Variants in NOL4 observed in about 807,000 individuals in gnomAD.
NOL4 encodes the protein cancer/testis antigen 125.
NOL4 carries 17 observed loss-of-function variants against 75.9 expected under a neutral mutation model. The observed-to-expected ratio is 0.22, with a 90% CI of 0.15 to 0.34. The LOEUF (loss-of-function observed/expected upper bound fraction) is 0.34. Among genes scored for constraint, NOL4 ranks in the 10% least tolerant of loss-of-function variants. The probability of loss-of-function intolerance (pLI) is 1.00; values close to 1 mark genes in which losing one functional copy is unlikely to be tolerated. For synonymous variants in NOL4, 292 were observed against 289.9 expected, an observed-to-expected ratio of 1.01 and a Z score of -0.07; for missense variants, 614 against 793.5, an observed-to-expected ratio of 0.77 and a Z score of 2.72.
chr18:34,102,282 A>C lies in NOL4; in HGVS notation c.639+1765T>G, dbSNP rs1010725029. ...CTCAATTTATTCACTGTTTTTCTTC[A>C]GGAGGACCAGATACATGTAAGTACT... On this transcript the variant is annotated intron_variant, in intron 4 of 10. Coordinates refer to ENST00000261592, the MANE Select transcript of NOL4 (RefSeq NM_003787.5). Among the ~76,000 whole-genome samples the C allele has an allele frequency of 2.0e-5, 3 of 152,064 alleles. No homozygotes were observed. In the South Asian group the frequency reaches 6.2e-4, roughly 31 times the overall value.
chr18:34,046,417 C>T (rs2076367367), intron 5 of NOL4, among the ~76,000 whole-genome samples: 1 of 151,558 alleles, frequency 6.6e-6, no homozygotes, highest in Non-Finnish European at 1.5e-5. Flanking sequence ...CAGTTGACAG[C>T]CAGCATTTGT....
chr18:34,220,143 A>G (rs1396993617), intron 1 of NOL4, among the ~76,000 whole-genome samples: 1 of 152,212 alleles, frequency 6.6e-6, no homozygotes, highest in Non-Finnish European at 1.5e-5. Context: ...TTTAACTATG[A>G]GACTTAAAGA....
intron 9 of NOL4, among the ~76,000 whole-genome samples, chr18:33,887,662 A>G (rs1247631628): frequency 1.3e-5 from 2 of 151,906 alleles, no homozygotes; most frequent in African/African-American, 2.4e-5. Flanking sequence ...GAGTGAGAAC[A>G]TGCGGTATTT....
intron 3 of NOL4, 88 bp downstream of exon 3, chr18:34,104,961 G>T: frequency 1.2e-6 from 1 of 811,306 alleles, no homozygotes; most frequent in Non-Finnish European, 2.1e-6. Flanking sequence ...AACTGTTTCA[G>T]TCTACCACGT....
intron 9 of NOL4, among the ~76,000 whole-genome samples, chr18:33,893,709 T>C (rs2065231923): frequency 1.3e-5 from 2 of 152,178 alleles, no homozygotes; most frequent in Admixed American, 1.3e-4. Context: ...TATTCAGTAA[T>C]ACATATACCT....
At chr18:34,053,848 C>A (rs1007617102) in intron 5 of NOL4, among the ~76,000 whole-genome samples, 1 of 151,792 alleles carries the variant, frequency 6.6e-6, no homozygotes, top group African/African-American at 2.4e-5. Flanking sequence ...CCAATTGATT[C>A]TTTCAGAATA....
chr18:34,037,118 T>C (rs1462958495), intron 5 of NOL4, among the ~76,000 whole-genome samples: 1 of 152,120 alleles, frequency 6.6e-6, no homozygotes, highest in East Asian at 1.9e-4. Flanking sequence ...TCAGTACCAT[T>C]TCTGTACACC....
intron 8 of NOL4, among the ~76,000 whole-genome samples, chr18:33,955,203 A>G (rs188431194): frequency 9.2e-5 from 14 of 152,206 alleles, no homozygotes; most frequent in South Asian, 2.1e-4. Context: ...TATTTTTGAT[A>G]TAATTTTCAG....
rs138892694 is a variant in NOL4, at chr18:33,861,148, T to G, written c.1724-8113A>C. ...TGGTATCAGGATGATGGTGGCCTCATAAAATGAGTTAGGGAGGATTCCTTC... is the reference window on the plus strand; with the variant it reads ...TGGTATCAGGATGATGGTGGCCTCAGAAAATGAGTTAGGGAGGATTCCTTC... On this transcript the variant is annotated intron_variant, in intron 10 of 10. Coordinates refer to ENST00000261592, the MANE Select transcript of NOL4 (RefSeq NM_003787.5). Among the ~76,000 whole-genome samples the G allele has an allele frequency of 5.6e-3, 846 of 152,334 alleles. 13 individuals are homozygous for G. The highest frequency in any genetic ancestry group is 0.019 in the African/African-American group (796 of 41,588).
intron 10 of NOL4, among the ~76,000 whole-genome samples, chr18:33,879,478 C>A (rs2064126715): frequency 6.6e-6 from 1 of 151,812 alleles, no homozygotes; most frequent in Admixed American, 6.6e-5. Flanking sequence ...TCAAGACCAG[C>A]CTGGGCAACA....
intron 1 of NOL4, among the ~76,000 whole-genome samples, chr18:34,141,832 T>C (rs2081179887): frequency 6.6e-6 from 1 of 151,896 alleles, no homozygotes; most frequent in African/African-American, 2.4e-5. Context: ...AATTGACAAA[T>C]GGGATCTAAT....
rs775000785 is a variant in NOL4, at chr18:34,129,898, G to A, written c.387C>T (p.His129=). ...CTTTGTAAGTTCTCTTTTGTCCAGC[G>A]TGTTTCCGAATTTGTTCTCCATTTG... is the stretch of plus-strand genomic sequence containing the variant. ...TGPNGEQIRK[H]AGQKRTYKAI... Residue 129 remains histidine (H), a synonymous_variant, in exon 2 of 11, where the codon CAC becomes CAT. Transcript: ENST00000261592. 19 of 1,575,084 alleles carry A rather than the reference G, an allele frequency of 1.2e-5. No individual in the cohort carries two copies. Among genetic ancestry groups the A allele is most frequent in the Middle Eastern group, 1.7e-4 (1 of 5,954 alleles).
intron 5 of NOL4, among the ~76,000 whole-genome samples, chr18:34,070,431 A>C (rs1303562310): frequency 1.3e-5 from 2 of 152,190 alleles, no homozygotes; most frequent in Admixed American, 6.5e-5. Context: ...AGCCCTGAAT[A>C]AATAGACTTT....
At chr18:34,066,809 C>A (rs2077297897) in intron 5 of NOL4, among the ~76,000 whole-genome samples, 1 of 151,164 alleles carries the variant, frequency 6.6e-6, no homozygotes, top group Non-Finnish European at 1.5e-5. Flanking sequence ...AATTCCAAAA[C>A]TCTATATATA....
intron 10 of NOL4, among the ~76,000 whole-genome samples, chr18:33,867,585 A>G (rs921099436): frequency 6.6e-6 from 1 of 151,948 alleles, no homozygotes; most frequent in Non-Finnish European, 1.5e-5. Flanking sequence ...CCCCTTGCTT[A>G]CCACAATTCA....
At position 33,883,251 on chromosome 18, in the gene NOL4, G is replaced by T; in HGVS notation, c.1716C>A (p.Ser572=). The change falls in exon 10 of 11, where the codon TCC becomes TCA. Residue 572 remains serine (S), a synonymous_variant. Transcript: ENST00000261592. ...TCTATGATAAATACTCACCACTGCT[G>T]GAAGCATCATTCAGATTTAGCAGAC... ...GGGLLNLNDA[S]SSGPTDLSMK... The T allele has an allele frequency of 1.3e-6, 2 of 1,590,384 alleles. No individual in the cohort carries two copies. The highest frequency in any genetic ancestry group is 1.7e-6 in the Non-Finnish European group (2 of 1,171,592).
chr18:33,987,875 C>T (rs1026397288), intron 6 of NOL4, among the ~76,000 whole-genome samples: 4 of 152,032 alleles, frequency 2.6e-5, no homozygotes, highest in African/African-American at 9.7e-5. Context: ...TGTCCCAATG[C>T]ATACTGAAGC....
chr18:33,863,778 C>T (rs981761111), intron 10 of NOL4, among the ~76,000 whole-genome samples: 17 of 152,254 alleles, frequency 1.1e-4, no homozygotes, highest in African/African-American at 4.1e-4. Flanking sequence ...CCAGTGGGGA[C>T]TCCATGTGAG....
At chr18:33,863,939 T>C (rs1383100255) in intron 10 of NOL4, among the ~76,000 whole-genome samples, 3 of 152,180 alleles carry the variant, frequency 2.0e-5, no homozygotes, top group African/African-American at 4.8e-5. Context: ...AAATCTTGAC[T>C]TCTGTACACC....
Sources: gnomAD v4.1 joint callset for allele counts (sites outside exome capture counted in the v4.1 genomes callset) on GRCh38, gnomAD v4.1.1 for gene constraint, MANE v1.5 for transcripts, NCBI Gene and HGNC (gene_info 2026-07-23, HGNC 2026-07-21) for gene names.